Variants in ATAD2B observed in about 807,000 individuals in gnomAD.
ATAD2B encodes ATPase family AAA domain containing 2B.
In ATAD2B, 40 loss-of-function variants were observed where a neutral mutation model predicts 167.6. That is an observed-to-expected ratio of 0.24 (90% CI 0.19 to 0.31). The LOEUF (loss-of-function observed/expected upper bound fraction) is 0.31. Ranked by LOEUF, ATAD2B falls within the 10% of genes least tolerant of loss-of-function variation. ATAD2B has a pLI of 1.00. For missense variants in ATAD2B, 1,242 were observed against 1,757.2 expected, an observed-to-expected ratio of 0.71 and a Z score of 5.24; for synonymous variants, 579 against 596.5, an observed-to-expected ratio of 0.97 and a Z score of 0.43.
At chr2:23,794,311 G>C (rs1682266110) in intron 19 of ATAD2B, among the ~76,000 whole-genome samples, 1 of 152,200 alleles carries the variant, frequency 6.6e-6, no homozygotes, top group Admixed American at 6.5e-5. Flanking sequence ...CATCCAGCCA[G>C]CACTGTTTTA....
chr2:23,878,161 G>C (rs1023432352), intron 7 of ATAD2B, among the ~76,000 whole-genome samples: 3 of 151,782 alleles, frequency 2.0e-5, no homozygotes, highest in Admixed American at 6.6e-5. Flanking sequence ...AAGAGTTCGA[G>C]ATCAGCCTGG....
At chr2:23,809,065 T>C (rs1439418475) in intron 18 of ATAD2B, 1 of 152,192 alleles carries the variant, frequency 6.6e-6, no homozygotes, top group Non-Finnish European at 1.5e-5. Flanking sequence ...TTAGATTCTC[T>C]CTTCTCTGGG....
chr2:23,817,031 A>C (rs72782126), intron 17 of ATAD2B, among the ~76,000 whole-genome samples: 18,354 of 152,208 alleles, frequency 0.12, 1,182 homozygotes, highest in Middle Eastern at 0.22. Flanking sequence ...TTGATCTGTA[A>C]TGCTAACGTA....
intron 7 of ATAD2B, among the ~76,000 whole-genome samples, chr2:23,879,270 T>C (rs1029685274): frequency 2.6e-5 from 4 of 151,870 alleles, no homozygotes; most frequent in Admixed American, 2.6e-4. Flanking sequence ...GATAAACAAA[T>C]TGTGATATAT....
At chr2:23,867,793 T>A (rs780423065) in intron 10 of ATAD2B, 42 bp downstream of exon 10, 49 of 1,446,282 alleles carry the variant, frequency 3.4e-5, no homozygotes, top group East Asian at 2.0e-4. Context: ...AAAAAACTTT[T>A]AAAAAAAAGA....
chr2:23,728,779 T>A, the ATAD2B span, among the ~76,000 whole-genome samples: 1 of 152,182 alleles, frequency 6.6e-6, no homozygotes, highest in Admixed American at 6.5e-5. Flanking sequence ...ATTAAAAAAA[T>A]TCCAAATTAT....
Position 23,757,261 on chromosome 2 carries a change from CAT to C in ATAD2B, c.4078+155_4078+156del, listed in dbSNP as rs143017748. On this transcript the variant is annotated intron_variant, in intron 25 of 27. Coordinates refer to ENST00000238789, the MANE Select transcript of ATAD2B (RefSeq NM_017552.4). Reference sequence around the variant, plus strand: ...CTCTGTGTGTGTGTGTACGTGCACACATGTGTGCTTTTCTAGAGAATAGGATG... The same window carrying C: ...CTCTGTGTGTGTGTGTACGTGCACACGTGTGCTTTTCTAGAGAATAGGATG... Among the ~76,000 whole-genome samples, 9 of 152,280 alleles carry C rather than the reference CAT, an allele frequency of 5.9e-5. No homozygotes were observed. The South Asian group carries it at 1.0e-3, about 18-fold the overall frequency.
Position 23,828,557 on chromosome 2 carries a change from G to A in ATAD2B, c.1819+292C>T, listed in dbSNP as rs148296614. Among the ~76,000 whole-genome samples the A allele has an allele frequency of 1.6e-4, 25 of 152,226 alleles. No individual in the cohort carries two copies. In the East Asian group the frequency reaches 4.6e-3, roughly 28 times the overall value. On this transcript the variant is annotated intron_variant, in intron 15 of 27. Coordinates refer to ENST00000238789, the MANE Select transcript of ATAD2B (RefSeq NM_017552.4). Reference sequence around the variant, plus strand: ...TTTTCTTAGTAAAATTTCTAAGAGGGAATGATATTCAAAAGGAGACCCTGT... The same window carrying A: ...TTTTCTTAGTAAAATTTCTAAGAGGAAATGATATTCAAAAGGAGACCCTGT...
At chr2:23,795,732 A>G (rs988967061) in intron 19 of ATAD2B, among the ~76,000 whole-genome samples, 1 of 151,984 alleles carries the variant, frequency 6.6e-6, no homozygotes, top group Non-Finnish European at 1.5e-5. Context: ...TACAAAAATT[A>G]GCTGGGCATG....
intron 18 of ATAD2B, among the ~76,000 whole-genome samples, chr2:23,807,537 T>G (rs1336021874): frequency 2.0e-5 from 3 of 152,054 alleles, no homozygotes; most frequent in Admixed American, 1.3e-4. Flanking sequence ...CAAGCTTGGT[T>G]TGAGACCCAA....
chr2:23,721,557 GC>G, the ATAD2B span, among the ~76,000 whole-genome samples: 1 of 152,076 alleles, frequency 6.6e-6, no homozygotes, highest in Non-Finnish European at 1.5e-5. Flanking sequence ...CCCATGAGCT[GC>G]CCCAGGCAGA....
intron 24 of ATAD2B, among the ~76,000 whole-genome samples, chr2:23,759,349 G>A (rs1033577420): frequency 3.9e-5 from 6 of 152,130 alleles, no homozygotes; most frequent in African/African-American, 1.2e-4. Flanking sequence ...ACTGTAGGCT[G>A]TTTAATCTGT....
At chr2:23,719,980 G>A in the ATAD2B span, among the ~76,000 whole-genome samples, 5 of 152,190 alleles carry the variant, frequency 3.3e-5, no homozygotes, top group East Asian at 5.8e-4. Context: ...CTTCCCACAC[G>A]TTCTGGATAT....
chr2:23,772,604 T>G (rs906850307), intron 22 of ATAD2B, among the ~76,000 whole-genome samples: 1 of 151,920 alleles, frequency 6.6e-6, no homozygotes, highest in Non-Finnish European at 1.5e-5. Flanking sequence ...ATCCCAACAC[T>G]ACCCTAAATT....
At chr2:23,769,133 A>G (rs944530967) in intron 22 of ATAD2B, among the ~76,000 whole-genome samples, 3 of 152,160 alleles carry the variant, frequency 2.0e-5, no homozygotes, top group Non-Finnish European at 4.4e-5. Context: ...CCAGATGCTT[A>G]TATCTCTCAT....
chr2:23,785,144 C>A (rs1680632174), intron 21 of ATAD2B, among the ~76,000 whole-genome samples: 1 of 152,038 alleles, frequency 6.6e-6, no homozygotes, highest in Non-Finnish European at 1.5e-5. Context: ...TTCCTAGTAA[C>A]AGATGAGGTA....
chr2:23,775,726 AG>A (rs1679003905), intron 22 of ATAD2B, among the ~76,000 whole-genome samples: 1 of 152,162 alleles, frequency 6.6e-6, no homozygotes, highest in Non-Finnish European at 1.5e-5. Context: ...TTCCTAGAAA[AG>A]GGGCCCTCCT....
rs5829912 is a variant in ATAD2B at position 23,870,285 on chromosome 2, C to CTTTTT, written c.978-529_978-525dup. ...ATTCAGGAAGGGAGTCAGTAACCAACTTTTTTTTTTTTTTTTTTTGAGACA... is the reference window on the plus strand; with the variant it reads ...ATTCAGGAAGGGAGTCAGTAACCAACTTTTTTTTTTTTTTTTTTTTTTTTGAGACA... On this transcript the variant is annotated intron_variant, in intron 8 of 27. Coordinates refer to ENST00000238789, the MANE Select transcript of ATAD2B (RefSeq NM_017552.4). Among the ~76,000 whole-genome samples the CTTTTT allele has an allele frequency of 9.5e-5, 10 of 105,646 alleles. 2 individuals are homozygous for CTTTTT. The highest frequency in any genetic ancestry group is 0.014 in the Middle Eastern group (2 of 138). 69.3% of individuals were successfully genotyped at this position (105,646 alleles called of 152,430 possible).
At chr2:23,808,003 AATTT>A (rs1684796108) in intron 18 of ATAD2B, among the ~76,000 whole-genome samples, 1 of 117,930 alleles carries the variant, frequency 8.5e-6, no homozygotes, top group African/African-American at 3.2e-5. Flanking sequence ...TTAGCACAGT[AATTT>A]ATATATATTA....
Sources: allele counts gnomAD v4.1 joint callset (sites outside exome capture counted in the v4.1 genomes callset), GRCh38; gene constraint gnomAD v4.1.1; transcripts MANE v1.5; gene names NCBI Gene and HGNC (gene_info 2026-07-23, HGNC 2026-07-21).